The following BMPR1B variants were observed in gnomAD, a reference collection of about 807,000 sequenced individuals.
BMPR1B encodes the protein bone morphogenetic protein receptor type-1B.
BMPR1B carries 12 observed loss-of-function variants against 59.1 expected under a neutral mutation model. That is an observed-to-expected ratio of 0.20 (90% CI 0.13 to 0.33). BMPR1B has a LOEUF of 0.33. Ranked by LOEUF, BMPR1B falls within the 10% of genes least tolerant of loss-of-function variation. The pLI is 1.00. For missense variants in BMPR1B, 550 were observed against 610.9 expected, an observed-to-expected ratio of 0.90 and a Z score of 1.05; for synonymous variants, 237 against 207.3, an observed-to-expected ratio of 1.14 and a Z score of -1.23.
At chr4:94,981,003 A>ACGCGCGCGTACGCGCGCGTACGCGCGCG (rs141994255) in intron 2 of BMPR1B, among the ~76,000 whole-genome samples, 125 of 90,832 alleles carry the variant, frequency 1.4e-3, no homozygotes, top group African/African-American at 3.8e-3. Flanking sequence ...ACACACACAC[A>ACGCGCGCGTACGCGCGCGTACGCGCGCG]CACACACACA....
At chr4:94,874,253 G>T (rs6835267) in intron 1 of BMPR1B, among the ~76,000 whole-genome samples, 17,004 of 152,090 alleles carry the variant, frequency 0.11, 999 homozygotes, top group Non-Finnish European at 0.14. Context: ...GAATAATACT[G>T]CAGTGAACAT....
chr4:94,885,033 C>G (rs1727117725), intron 2 of BMPR1B, among the ~76,000 whole-genome samples: 1 of 152,170 alleles, frequency 6.6e-6, no homozygotes, highest in African/African-American at 2.4e-5. Context: ...AGTCATTTTA[C>G]TTGAGTCTGG....
intron 2 of BMPR1B, among the ~76,000 whole-genome samples, chr4:94,950,945 C>T (rs1445853189): frequency 2.0e-5 from 3 of 152,192 alleles, no homozygotes; most frequent in Non-Finnish European, 4.4e-5. Context: ...TTTGTGTCCT[C>T]TCTTATTTCC....
chr4:94,775,648 T>C (rs1281575142), intron 1 of BMPR1B, among the ~76,000 whole-genome samples: 1 of 152,256 alleles, frequency 6.6e-6, no homozygotes, highest in Non-Finnish European at 1.5e-5. Context: ...TAGATTTTAA[T>C]ATTAAGCAAG....
Position 95,071,650 on chromosome 4 carries a change from G to GTATATATATATA in BMPR1B, c.-17-32757_-17-32756insATATATATATAT, listed in dbSNP as rs1459082558. Among the ~76,000 whole-genome samples, 732 of 78,268 alleles carry GTATATATATATA rather than the reference G, an allele frequency of 9.4e-3. 3 individuals are homozygous for GTATATATATATA. The highest frequency in any genetic ancestry group is 0.015 in the Admixed American group (99 of 6,704). 51.3% of individuals were successfully genotyped at this position (78,268 alleles called of 152,430 possible). On this transcript the variant is annotated intron_variant, in intron 3 of 12. Transcript: ENST00000515059. ...TGTGTGTTTGTGTGTGTGTGTGTGT[G>GTATATATATATA]TGTATATATATATATATATATATAT...
intron 2 of BMPR1B, among the ~76,000 whole-genome samples, chr4:94,970,314 CTCTT>C (rs1170214896): frequency 2.3e-4 from 33 of 142,314 alleles, no homozygotes; most frequent in African/African-American, 5.8e-4. Flanking sequence ...CTTTCTCTCT[CTCTT>C]TCTCTCTTTT....
chr4:95,081,766 A>G (rs1579046441), intron 3 of BMPR1B, among the ~76,000 whole-genome samples: 1 of 152,172 alleles, frequency 6.6e-6, no homozygotes, highest in Non-Finnish European at 1.5e-5. Flanking sequence ...AAAGGCTATT[A>G]AAATAGCCTC....
chr4:95,022,315 A>G (rs966609245), intron 3 of BMPR1B, among the ~76,000 whole-genome samples: 1 of 152,222 alleles, frequency 6.6e-6, no homozygotes, highest in African/African-American at 2.4e-5. Context: ...CTTTTTGTGC[A>G]CTGTTGCTAG....
intron 2 of BMPR1B, among the ~76,000 whole-genome samples, chr4:94,959,064 C>A (rs968239989): frequency 3.9e-5 from 6 of 151,950 alleles, no homozygotes; most frequent in African/African-American, 7.3e-5. Flanking sequence ...ATAAGGGAGA[C>A]CAGATTTTAG....
intron 3 of BMPR1B, among the ~76,000 whole-genome samples, chr4:95,021,020 A>G (rs368083412): frequency 2.0e-5 from 3 of 152,260 alleles, no homozygotes; most frequent in African/African-American, 7.2e-5. Flanking sequence ...TGGCTATCTT[A>G]TTTATGATCA....
chr4:94,784,969 C>T (rs1476624483), intron 1 of BMPR1B, among the ~76,000 whole-genome samples: 1 of 152,150 alleles, frequency 6.6e-6, no homozygotes, highest in Admixed American at 6.5e-5. Flanking sequence ...CAAGCTTCAC[C>T]AGCAGCTGCT....
intron 2 of BMPR1B, among the ~76,000 whole-genome samples, chr4:94,985,688 T>C (rs1596670): frequency 0.22 from 34,186 of 151,964 alleles, 4,873 homozygotes; most frequent in African/African-American, 0.41. Flanking sequence ...CTGAAAGATA[T>C]AGTAGTAAGG....
intron 1 of BMPR1B, among the ~76,000 whole-genome samples, chr4:94,830,374 C>T (rs1332341039): frequency 2.0e-5 from 3 of 151,982 alleles, no homozygotes; most frequent in African/African-American, 4.8e-5. Context: ...AAATATAATT[C>T]TGTTAGATAA....
intron 3 of BMPR1B, among the ~76,000 whole-genome samples, chr4:95,061,436 C>G (rs774339507): frequency 6.6e-6 from 1 of 151,928 alleles, no homozygotes. Flanking sequence ...CAAGTAAGAA[C>G]GGAAGTAGTT....
chr4:94,759,249 C>T (rs1307681400), intron 1 of BMPR1B, among the ~76,000 whole-genome samples: 2 of 152,190 alleles, frequency 1.3e-5, no homozygotes, highest in Non-Finnish European at 2.9e-5. Context: ...CACAAAGGTG[C>T]CAGTGAAAGA....
intron 10 of BMPR1B, among the ~76,000 whole-genome samples, chr4:95,146,509 A>C (rs909091882): frequency 6.6e-6 from 1 of 152,198 alleles, no homozygotes; most frequent in Non-Finnish European, 1.5e-5. Context: ...TAAGAATGGA[A>C]TGAAATTGCC....
chr4:95,014,792 A>G (rs1225810444), intron 3 of BMPR1B, among the ~76,000 whole-genome samples: 1 of 152,176 alleles, frequency 6.6e-6, no homozygotes. Flanking sequence ...CCTGATTTCA[A>G]GATTCGGACC....
chr4:94,884,127 C>G (rs1430035687), intron 2 of BMPR1B, among the ~76,000 whole-genome samples: 1 of 152,160 alleles, frequency 6.6e-6, no homozygotes, highest in African/African-American at 2.4e-5. Flanking sequence ...TCCAAGGTTT[C>G]AAAAGTAATG....
chr4:94,971,553 T>G (rs1290550827), intron 2 of BMPR1B, among the ~76,000 whole-genome samples: 6 of 152,114 alleles, frequency 3.9e-5, no homozygotes, highest in Admixed American at 3.9e-4. Flanking sequence ...CTTCCTGATC[T>G]TAGCTTGTCA....
Sources: allele counts gnomAD v4.1 joint callset (sites outside exome capture counted in the v4.1 genomes callset), GRCh38; gene constraint gnomAD v4.1.1; transcripts MANE v1.5; gene names NCBI Gene and HGNC (gene_info 2026-07-23, HGNC 2026-07-21).